UBAC1: variants seen among roughly 807,000 people sequenced by gnomAD.
UBAC1 encodes the protein ubiquitin-associated domain-containing protein 1.
A neutral mutation model predicts 45.9 loss-of-function variants in UBAC1; 27 were observed. That is an observed-to-expected ratio of 0.59 (90% CI 0.43 to 0.81). UBAC1 has a LOEUF of 0.81. Ranked by LOEUF, UBAC1 falls within the 30% of genes least tolerant of loss-of-function variation. The probability of loss-of-function intolerance (pLI) is 0.00; values close to 1 mark genes in which losing one functional copy is unlikely to be tolerated. For synonymous variants in UBAC1, 227 were observed against 215.5 expected, an observed-to-expected ratio of 1.05 and a Z score of -0.47; for missense variants, 529 against 539.2, an observed-to-expected ratio of 0.98 and a Z score of 0.19.
rs920722722 is a variant in UBAC1 at position 135,947,733 on chromosome 9, C to T, written c.441+65G>A. 8.7e-6 allele frequency: 12 copies of T among 1,373,430 alleles called. No homozygotes were observed. In the Admixed American group the frequency reaches 2.6e-4, roughly 30 times the overall value. 85.1% of individuals were successfully genotyped at this position (1,373,430 alleles called of 1,614,324 possible). Reference sequence around the variant, plus strand: ...TCTTGCTGCCCCGCCCCGCAGGAACCCCCCCACAGCAATCCCCCACACGGG... The same window carrying T: ...TCTTGCTGCCCCGCCCCGCAGGAACTCCCCCACAGCAATCCCCCACACGGG... On this transcript the variant is annotated intron_variant, in intron 4 of 9. Coordinates refer to ENST00000371756, the MANE Select transcript of UBAC1 (RefSeq NM_016172.3).
chr9:135,937,258 A>G (rs552323781), intron 9 of UBAC1, among the ~76,000 whole-genome samples: 2 of 151,948 alleles, frequency 1.3e-5, no homozygotes, highest in Non-Finnish European at 2.9e-5. Context: ...CCTGGCAAAC[A>G]TGGTGAAAGC....
At chr9:135,949,528 C>A (rs572835055) in intron 3 of UBAC1, among the ~76,000 whole-genome samples, 14 of 152,178 alleles carry the variant, frequency 9.2e-5, no homozygotes, top group Non-Finnish European at 1.8e-4. Flanking sequence ...GAAGGGGAGG[C>A]GGCTGGTGCA....
intron 1 of UBAC1, among the ~76,000 whole-genome samples, chr9:135,958,783 C>T (rs183993824): frequency 2.6e-5 from 4 of 152,280 alleles, no homozygotes; most frequent in East Asian, 1.9e-4. Flanking sequence ...TGCAGAACCA[C>T]GCTGGGATGT....
chr9:135,957,772 C>CT (rs56142900), intron 1 of UBAC1, among the ~76,000 whole-genome samples: 109 of 135,652 alleles, frequency 8.0e-4, no homozygotes, highest in East Asian at 1.5e-3. Context: ...TGAACTCCTT[C>CT]TTTTTTTTTT....
chr9:135,939,848 C>T (rs1588530914), intron 7 of UBAC1, 89 bp from the exon 8 acceptor site: 3 of 1,142,888 alleles, frequency 2.6e-6, no homozygotes, highest in Admixed American at 2.0e-5. Flanking sequence ...GCTCCCCGCA[C>T]CCTAGCGGAG....
intron 1 of UBAC1, among the ~76,000 whole-genome samples, chr9:135,957,769 CTTCTT>C (rs992854384): frequency 1.5e-5 from 2 of 133,132 alleles, no homozygotes; most frequent in Non-Finnish European, 3.2e-5. Context: ...TTATGAACTC[CTTCTT>C]TTTTTTTTTT....
rs761920615 is a variant in UBAC1 at position 135,946,422 on chromosome 9, T to C, written c.442-51A>G. On this transcript the variant is annotated intron_variant, in intron 4 of 9. Coordinates refer to ENST00000371756, the MANE Select transcript of UBAC1 (RefSeq NM_016172.3). Reference sequence around the variant, plus strand: ...TTCTCTAAATGTCCACCAAACCTACTTGGATCTATGACTTGCTCCCCTGTC... The same window carrying C: ...TTCTCTAAATGTCCACCAAACCTACCTGGATCTATGACTTGCTCCCCTGTC... 24 of 1,198,462 alleles carry C rather than the reference T, an allele frequency of 2.0e-5. 1 individual carries two copies. The highest frequency in any genetic ancestry group is 2.9e-5 in the Non-Finnish European group (23 of 802,174). 74.2% of individuals were successfully genotyped at this position (1,198,462 alleles called of 1,614,324 possible).
At chr9:135,954,369 C>G (rs539853605) in intron 2 of UBAC1, among the ~76,000 whole-genome samples, 1 of 152,136 alleles carries the variant, frequency 6.6e-6, no homozygotes, top group Admixed American at 6.5e-5. Flanking sequence ...TGCTTGAGCC[C>G]AGGAGGTCAA....
At chr9:135,950,591 T>G (rs1839395553) in intron 3 of UBAC1, among the ~76,000 whole-genome samples, 1 of 152,192 alleles carries the variant, frequency 6.6e-6, no homozygotes, top group African/African-American at 2.4e-5. Flanking sequence ...TCTATTTTGC[T>G]CACAGCTGAA....
At chr9:135,953,192 G>A (rs892379624) in intron 3 of UBAC1, among the ~76,000 whole-genome samples, 11 of 152,232 alleles carry the variant, frequency 7.2e-5, no homozygotes, top group African/African-American at 2.7e-4. Context: ...GACTGACACG[G>A]ATTAAACAGG....
At chr9:135,951,592 C>T (rs1442691401) in intron 3 of UBAC1, among the ~76,000 whole-genome samples, 4 of 151,912 alleles carry the variant, frequency 2.6e-5, no homozygotes, top group Admixed American at 6.6e-5. Context: ...GTGGATCACC[C>T]GAGGTCAGGA....
chr9:135,948,187 G>A (rs1340633547), intron 3 of UBAC1: 26 of 366,350 alleles, frequency 7.1e-5, no homozygotes, highest in African/African-American at 2.1e-5. Flanking sequence ...CAGGGACCGT[G>A]GCAGGGCTGG....
At chr9:135,946,992 G>A (rs1839345554) in intron 4 of UBAC1, among the ~76,000 whole-genome samples, 1 of 152,158 alleles carries the variant, frequency 6.6e-6, no homozygotes, top group Admixed American at 6.5e-5. Context: ...CTGGCTGCTG[G>A]GGAAAAGCCA....
chr9:135,940,423 C>A (rs1839257230), intron 7 of UBAC1, among the ~76,000 whole-genome samples: 2 of 151,650 alleles, frequency 1.3e-5, no homozygotes, highest in Admixed American at 1.3e-4. Context: ...ACTAAAAATA[C>A]AAAAAAATTA....
intron 4 of UBAC1, among the ~76,000 whole-genome samples, 165 bp from the exon 5 acceptor site, chr9:135,946,536 G>A (rs1839338856): frequency 6.6e-6 from 1 of 152,236 alleles, no homozygotes; most frequent in Non-Finnish European, 1.5e-5. Context: ...GATTGGCAGG[G>A]CCAAGAGCCT....
intron 9 of UBAC1, 37 bp from the exon 10 acceptor site, chr9:135,933,552 C>A: frequency 6.8e-7 from 1 of 1,477,326 alleles, no homozygotes; most frequent in Non-Finnish European, 9.5e-7. Context: ...GTGCCCACGC[C>A]CCCACTCAGC....
At chr9:135,944,974 A>G (rs1839309411) in intron 7 of UBAC1, 54 bp downstream of exon 7, 6 of 1,529,620 alleles carry the variant, frequency 3.9e-6, no homozygotes, top group Non-Finnish European at 5.3e-6. Flanking sequence ...CCATGGCGCC[A>G]CCTCAAGGGA....
At chr9:135,957,405 C>A (rs1386008167) in intron 1 of UBAC1, among the ~76,000 whole-genome samples, 2 of 152,098 alleles carry the variant, frequency 1.3e-5, no homozygotes, top group African/African-American at 2.4e-5. Flanking sequence ...ATACAGACTA[C>A]GAAATGCAGT....
At position 135,945,847 on chromosome 9, in the gene UBAC1, C is replaced by T. The variant is rs773120524; in HGVS notation, c.653+42G>A. On this transcript the variant is annotated intron_variant, in intron 6 of 9. Coordinates refer to ENST00000371756, the MANE Select transcript of UBAC1 (RefSeq NM_016172.3). ...GGTGGGAGCCCCACAAAACCAGGCC[C>T]CAGGTGTCTCCGGCAAGGGAAGGAG... 1.1e-5 allele frequency: 17 copies of T among 1,562,936 alleles called. No individual in the cohort carries two copies. In the African/African-American group the frequency reaches 1.4e-4, roughly 12 times the overall value.
Sources: allele counts gnomAD v4.1 joint callset (sites outside exome capture counted in the v4.1 genomes callset), GRCh38; gene constraint gnomAD v4.1.1; transcripts MANE v1.5; gene names NCBI Gene and HGNC (gene_info 2026-07-23, HGNC 2026-07-21).